Variants in INPP5D observed in about 807,000 individuals in gnomAD.
INPP5D encodes phosphatidylinositol 3,4,5-trisphosphate 5-phosphatase 1.
In INPP5D, 33 loss-of-function variants were observed where a neutral mutation model predicts 122.9. The ratio of observed to expected loss-of-function variants is 0.27; its 90% CI spans 0.20 to 0.36. The LOEUF (loss-of-function observed/expected upper bound fraction) is 0.36. INPP5D is among the 10% of genes least tolerant of loss of function. The pLI, the probability that INPP5D is intolerant of heterozygous loss-of-function variation, is 1.00. For synonymous variants in INPP5D, 584 were observed against 576.2 expected, an observed-to-expected ratio of 1.01 and a Z score of -0.19; for missense variants, 1,053 against 1,412.7, an observed-to-expected ratio of 0.75 and a Z score of 4.08.
chr2:233,099,696 G>T (rs982677841), intron 2 of INPP5D, among the ~76,000 whole-genome samples: 10 of 152,152 alleles, frequency 6.6e-5, no homozygotes, highest in African/African-American at 1.9e-4. Flanking sequence ...AAAATTCAGA[G>T]ATTTCTACAT....
At chr2:233,168,808 C>CGGAA (rs1694413564) in intron 13 of INPP5D, 1 of 153,600 alleles carries the variant, frequency 6.5e-6, no homozygotes, top group Admixed American at 6.4e-5. Context: ...GAGAATCTGC[C>CGGAA]CTTCCATGAA....
rs1694444762 is a variant in INPP5D, at chr2:233,169,846, C to A, written c.1653-180C>A. ...ATGTGGCCTCAAATGCCCTTTGCAT[C>A]CTGGCTGTGCCATATTTGCACACTA... On this transcript the variant is annotated intron_variant, in intron 14 of 26. Coordinates refer to ENST00000445964, the MANE Select transcript of INPP5D (RefSeq NM_001017915.3). The A allele has an allele frequency of 3.3e-6, 4 of 1,203,318 alleles. No individual in the cohort carries two copies. In the South Asian group the frequency reaches 4.4e-5, roughly 13 times the overall value. 74.5% of individuals were successfully genotyped at this position (1,203,318 alleles called of 1,614,324 possible).
intron 2 of INPP5D, among the ~76,000 whole-genome samples, chr2:233,079,705 C>G (rs1003120273): frequency 6.6e-6 from 1 of 152,084 alleles, no homozygotes. Flanking sequence ...GTGGCTTGGC[C>G]GACTGTTGTC....
chr2:233,096,078 A>G (rs751428214), intron 2 of INPP5D, among the ~76,000 whole-genome samples: 3 of 152,232 alleles, frequency 2.0e-5, no homozygotes, highest in Non-Finnish European at 2.9e-5. Context: ...CTCACTACAA[A>G]AGACAGATGC....
intron 2 of INPP5D, among the ~76,000 whole-genome samples, chr2:233,121,126 T>C (rs1324443975): frequency 7.2e-6 from 1 of 139,650 alleles, no homozygotes; most frequent in East Asian, 1.9e-4. Context: ...TCTTTCTTTT[T>C]TTTTTTTCTT....
chr2:233,163,963 T>TCGGCTGG, intron 12 of INPP5D, 60 bp downstream of exon 12: 1 of 1,580,432 alleles, frequency 6.3e-7, no homozygotes, highest in South Asian at 1.2e-5. Flanking sequence ...TCGGCTGGGC[T>TCGGCTGG]GTCTCAGAGG....
chr2:233,144,046 A>T (rs1274878064), intron 6 of INPP5D, among the ~76,000 whole-genome samples: 24 of 139,890 alleles, frequency 1.7e-4, no homozygotes, highest in African/African-American at 5.1e-4. Flanking sequence ...GGTGGTGGTG[A>T]TGGCGATGGT....
At chr2:233,129,061 G>A (rs1693246868) in intron 4 of INPP5D, among the ~76,000 whole-genome samples, 1 of 152,160 alleles carries the variant, frequency 6.6e-6, no homozygotes, top group East Asian at 1.9e-4. Context: ...AGCTACCCAG[G>A]AGGCTGAGGC....
intron 4 of INPP5D, among the ~76,000 whole-genome samples, chr2:233,126,789 G>A (rs954718829): frequency 5.9e-5 from 9 of 151,960 alleles, no homozygotes; most frequent in Admixed American, 3.9e-4. Flanking sequence ...GCATGGTGGC[G>A]GGCGCCTATA....
chr2:233,089,006 A>G (rs539800744), intron 2 of INPP5D, among the ~76,000 whole-genome samples: 2 of 152,336 alleles, frequency 1.3e-5, no homozygotes, highest in South Asian at 4.1e-4. Flanking sequence ...GAACTGTAAC[A>G]GCATTACAGC....
Position 233,164,478 on chromosome 2 carries a change from C to T in INPP5D, c.1555+54C>T, listed in dbSNP as rs532137409. The stretch of plus-strand genomic sequence containing the variant: ...CCCACACCCTCTGCCTCAACTCTCG[C>T]GACCACATCATCCTGATCCCACCAG... On this transcript the variant is annotated intron_variant, in intron 13 of 26. Transcript: ENST00000445964. This position sits in a 1 kb window ranked among gnomAD's most constrained non-coding sequence, Gnocchi z 4.3. 4.2e-5 allele frequency: 62 copies of T among 1,493,262 alleles called. No individual in the cohort carries two copies. Among genetic ancestry groups the T allele is most frequent in the South Asian group, 1.7e-4 (13 of 76,894 alleles). 92.5% of individuals were successfully genotyped at this position (1,493,262 alleles called of 1,614,324 possible). A position where few individuals can be genotyped will look rare whatever the true frequency, so the allele number is the denominator to read the frequency against.
intron 1 of INPP5D, among the ~76,000 whole-genome samples, chr2:233,060,831 G>A (rs748471447): frequency 1.6e-4 from 24 of 152,230 alleles, no homozygotes; most frequent in Admixed American, 2.6e-4. Context: ...GAGGCCTGAT[G>A]TTACACCCCA....
chr2:233,101,075 G>A (rs542172989), intron 2 of INPP5D, among the ~76,000 whole-genome samples: 4 of 152,270 alleles, frequency 2.6e-5, no homozygotes, highest in East Asian at 3.9e-4. Flanking sequence ...GAAGGCGGGT[G>A]TATCAGGAGG....
In INPP5D at chr2:233,147,600, A is replaced by T; in HGVS notation, c.1030+6A>T. 1 of 703,446 alleles carries T rather than the reference A, an allele frequency of 1.4e-6. No homozygotes were observed. The highest frequency in any genetic ancestry group is 2.3e-4 in the Middle Eastern group (1 of 4,362). 43.6% of individuals were successfully genotyped at this position (703,446 alleles called of 1,614,324 possible). ...GTTCTACAGCCACAAGAAAAGTAAG[A>T]CCCCTCGTGCCTATCAACCACTGCC... On this transcript the variant is annotated splice_donor_region_variant and intron_variant, in intron 9 of 26. Transcript: ENST00000445964.
rs143120607 is a variant in INPP5D, at chr2:233,093,308, C to A, written c.198+13910C>A. 3.2e-3 allele frequency among the ~76,000 whole-genome samples: 485 copies of A among 152,292 alleles called. 2 individuals carry two copies. The highest frequency in any genetic ancestry group is 0.011 in the African/African-American group (458 of 41,558). On this transcript the variant is annotated intron_variant, in intron 2 of 26. Coordinates refer to ENST00000445964, the MANE Select transcript of INPP5D (RefSeq NM_001017915.3). ...GAAATAAGCCTTCCTTCTTGGGAAACTATCAGTGTAGATATGTTTCTCTAA... is the reference window on the plus strand; with the variant it reads ...GAAATAAGCCTTCCTTCTTGGGAAAATATCAGTGTAGATATGTTTCTCTAA...
chr2:233,123,585 G>T (rs1004462319), intron 3 of INPP5D, among the ~76,000 whole-genome samples: 1 of 152,192 alleles, frequency 6.6e-6, no homozygotes, highest in Non-Finnish European at 1.5e-5. Flanking sequence ...GCTTACCTGG[G>T]GATGCCCCAC....
intron 2 of INPP5D, among the ~76,000 whole-genome samples, chr2:233,094,816 A>G (rs969001273): frequency 6.6e-6 from 1 of 152,136 alleles, no homozygotes; most frequent in Non-Finnish European, 1.5e-5. Flanking sequence ...AGTCTCACTC[A>G]CCACGGGAGG....
intron 2 of INPP5D, among the ~76,000 whole-genome samples, chr2:233,116,276 G>GATATAC (rs1692792478): frequency 6.6e-6 from 1 of 151,498 alleles, no homozygotes; most frequent in East Asian, 1.9e-4. Flanking sequence ...TATAGATATA[G>GATATAC]ATATAGATAT....
intron 14 of INPP5D, 53 bp downstream of exon 14, chr2:233,169,454 A>T: frequency 6.4e-7 from 1 of 1,552,606 alleles, no homozygotes; most frequent in Middle Eastern, 1.7e-4. Context: ...CTGCCCAGAC[A>T]CGCCTCACAC....
Sources: allele counts gnomAD v4.1 joint callset (sites outside exome capture counted in the v4.1 genomes callset), GRCh38; gene constraint gnomAD v4.1.1; non-coding constraint Gnocchi (gnomAD v3.1); transcripts MANE v1.5; gene names NCBI Gene and HGNC (gene_info 2026-07-23, HGNC 2026-07-21).